The following DTNA variants were observed in gnomAD, a reference collection of about 807,000 sequenced individuals.
DTNA encodes the protein dystrophin-related protein 3.
Under a neutral mutation model 100.7 loss-of-function variants are expected in DTNA, and 43 were observed. The observed-to-expected ratio is 0.43, with a 90% CI of 0.33 to 0.55. The LOEUF is 0.55. Among genes scored for constraint, DTNA ranks in the 20% least tolerant of loss-of-function variants. The pLI, the probability that DTNA is intolerant of heterozygous loss-of-function variation, is 0.04. For missense variants in DTNA, 798 were observed against 953.9 expected, an observed-to-expected ratio of 0.84 and a Z score of 2.15; for synonymous variants, 349 against 347.9, an observed-to-expected ratio of 1.00 and a Z score of -0.04.
intron 1 of DTNA, among the ~76,000 whole-genome samples, chr18:34,620,005 T>A (rs1041313011): frequency 1.3e-5 from 2 of 152,014 alleles, no homozygotes; most frequent in Non-Finnish European, 2.9e-5. Flanking sequence ...GACAGAATGG[T>A]TTTACCAAAA....
intron 1 of DTNA, among the ~76,000 whole-genome samples, chr18:34,517,613 C>G (rs1206906237): frequency 6.6e-5 from 10 of 151,188 alleles, no homozygotes; most frequent in African/African-American, 2.2e-4. Flanking sequence ...CCTCTCCATC[C>G]CTCCATCCCT....
intron 1 of DTNA, among the ~76,000 whole-genome samples, chr18:34,724,176 T>G (rs2086043843): frequency 6.6e-6 from 1 of 152,238 alleles, no homozygotes; most frequent in African/African-American, 2.4e-5. Context: ...TATCAATGAC[T>G]TGACAATAAT....
intron 1 of DTNA, among the ~76,000 whole-genome samples, chr18:34,642,411 T>C (rs1468020408): frequency 6.6e-6 from 1 of 152,200 alleles, no homozygotes; most frequent in African/African-American, 2.4e-5. Flanking sequence ...TTGAATGCCA[T>C]CTTACTACCC....
intron 2 of DTNA, among the ~76,000 whole-genome samples, chr18:34,757,885 T>G (rs1255941418): frequency 1.3e-5 from 2 of 152,334 alleles, no homozygotes; most frequent in East Asian, 3.9e-4. Context: ...ATATATATCT[T>G]TCCTCCCTGG....
chr18:34,528,425 A>G (rs528450495), intron 1 of DTNA, among the ~76,000 whole-genome samples: 2 of 152,176 alleles, frequency 1.3e-5, no homozygotes, highest in African/African-American at 4.8e-5. Context: ...TGGGAATTTC[A>G]GTAAAAAGAA....
intron 1 of DTNA, among the ~76,000 whole-genome samples, chr18:34,657,997 A>C (rs575771635): frequency 1.4e-4 from 21 of 152,358 alleles, no homozygotes; most frequent in African/African-American, 4.1e-4. Flanking sequence ...AAATGGATGA[A>C]AGAGAAATTT....
chr18:34,854,279 G>C (rs757706944), intron 15 of DTNA, among the ~76,000 whole-genome samples: 4 of 152,164 alleles, frequency 2.6e-5, no homozygotes, highest in Non-Finnish European at 5.9e-5. Context: ...TTAATCCAAA[G>C]TTTCAGCTTT....
intron 1 of DTNA, among the ~76,000 whole-genome samples, chr18:34,730,614 T>G (rs2087877729): frequency 6.6e-6 from 1 of 152,228 alleles, no homozygotes; most frequent in African/African-American, 2.4e-5. Context: ...TGTCCTCATT[T>G]GGATAACCCA....
intron 1 of DTNA, among the ~76,000 whole-genome samples, chr18:34,643,249 C>T (rs2059491258): frequency 6.6e-6 from 1 of 152,132 alleles, no homozygotes; most frequent in African/African-American, 2.4e-5. Context: ...GGTTCTTAGC[C>T]ATGGTGGTAA....
intron 1 of DTNA, among the ~76,000 whole-genome samples, chr18:34,712,832 T>C (rs569681362): frequency 6.6e-6 from 1 of 152,236 alleles, no homozygotes; most frequent in Admixed American, 6.5e-5. Flanking sequence ...CATTTACCTC[T>C]ACTAAGGAGA....
intron 6 of DTNA, chr18:34,815,629 T>C: frequency 5.3e-6 from 2 of 376,816 alleles, no homozygotes; most frequent in Non-Finnish European, 1.0e-5. Context: ...CTGTCTTTCA[T>C]ATATACAAAT....
At chr18:34,882,648 G>A (rs990449779) in intron 21 of DTNA, among the ~76,000 whole-genome samples, 6 of 152,014 alleles carry the variant, frequency 3.9e-5, no homozygotes, top group African/African-American at 1.2e-4. Context: ...GATTACAGGC[G>A]TGAGCCACTG....
chr18:34,802,052 G>A (rs1880548971), intron 4 of DTNA, among the ~76,000 whole-genome samples: 1 of 152,192 alleles, frequency 6.6e-6, no homozygotes, highest in Admixed American at 6.5e-5. Context: ...GCTCTTTTAT[G>A]TCTTGAGATG....
rs142034909 is a variant in DTNA at position 34,631,926 on chromosome 18, G to A, written c.-1-124050G>A. Among the ~76,000 whole-genome samples, 666 of 152,212 alleles carry A rather than the reference G, an allele frequency of 4.4e-3. 2 individuals carry two copies. Among genetic ancestry groups the A allele is most frequent in the Non-Finnish European group, 7.3e-3 (497 of 68,002 alleles). On this transcript the variant is annotated intron_variant, in intron 1 of 19. Transcript: ENST00000283365. Reference sequence around the variant, plus strand: ...ATTTAGTGAGCTATACTTCTATCGGGAGTTTCACAATTCTCCATTTGGCAG... The same window carrying A: ...ATTTAGTGAGCTATACTTCTATCGGAAGTTTCACAATTCTCCATTTGGCAG...
chr18:34,538,506 A>T (rs925282779), intron 1 of DTNA, among the ~76,000 whole-genome samples: 3 of 152,080 alleles, frequency 2.0e-5, no homozygotes, highest in African/African-American at 7.2e-5. Flanking sequence ...ATCTCTACGC[A>T]GTGAGCTTGC....
At chr18:34,774,162 A>G (rs2093924318) in intron 3 of DTNA, among the ~76,000 whole-genome samples, 1 of 152,002 alleles carries the variant, frequency 6.6e-6, no homozygotes, top group African/African-American at 2.4e-5. Flanking sequence ...ATGCATACAG[A>G]GGAATGCGTT....
At chr18:34,669,211 G>T (rs2076385586) in intron 1 of DTNA, among the ~76,000 whole-genome samples, 1 of 152,028 alleles carries the variant, frequency 6.6e-6, no homozygotes, top group Admixed American at 6.6e-5. Flanking sequence ...GATCTTTGTT[G>T]GTTTAAAGTC....
intron 17 of DTNA, 132 bp downstream of exon 17, chr18:34,864,194 G>A (rs2096664756): frequency 1.4e-6 from 1 of 707,330 alleles, no homozygotes; most frequent in Non-Finnish European, 2.4e-6. Context: ...AAGCTCAGAT[G>A]TAAAACAATT....
chr18:34,868,082 T>C (rs969128870), intron 17 of DTNA: 12 of 862,756 alleles, frequency 1.4e-5, no homozygotes, highest in African/African-American at 2.0e-5. Flanking sequence ...AATCAAAAAC[T>C]AAAGAAAATA....
Sources: allele counts gnomAD v4.1 joint callset (sites outside exome capture counted in the v4.1 genomes callset), GRCh38; gene constraint gnomAD v4.1.1; transcripts MANE v1.5; gene names NCBI Gene and HGNC (gene_info 2026-07-23, HGNC 2026-07-21).